COL28A1: variants seen among roughly 807,000 people sequenced by gnomAD.
COL28A1 encodes the protein collagen alpha-1(XXVIII) chain.
COL28A1 carries 161 observed loss-of-function variants against 150.2 expected under a neutral mutation model. The observed-to-expected ratio is 1.07, with a 90% CI of 0.94 to 1.22. The LOEUF is 1.22. Ranked by LOEUF, COL28A1 falls within the 50% of genes most tolerant of loss-of-function variation. The pLI is 0.00. For missense variants in COL28A1, 1,617 were observed against 1,388.3 expected (o/e 1.16, Z -2.62); for synonymous variants, 552 against 469.7 (o/e 1.18, Z -2.26).
intron 18 of COL28A1, among the ~76,000 whole-genome samples, chr7:7,452,075 T>C (rs1786736108): frequency 6.6e-6 from 1 of 152,164 alleles, no homozygotes; most frequent in East Asian, 1.9e-4. Context: ...TAAACCAAGA[T>C]AAACAAAGTG....
chr7:7,354,029 AT>A (rs199877243), downstream of COL28A1, among the ~76,000 whole-genome samples: 23,902 of 148,548 alleles, frequency 0.16, 2,100 homozygotes, highest in African/African-American at 0.23. Flanking sequence ...AGAAAAAAAA[AT>A]TTTTTTTTTT....
At chr7:7,370,668 T>C (rs1781180302) in intron 33 of COL28A1, 57 bp downstream of exon 33, 2 of 1,418,936 alleles carry the variant, frequency 1.4e-6, no homozygotes, top group African/African-American at 1.4e-5. Context: ...ATCTTTGATA[T>C]GAAACAGAGA....
intron 33 of COL28A1, among the ~76,000 whole-genome samples, chr7:7,367,760 T>G (rs780858259): frequency 1.3e-5 from 2 of 151,590 alleles, no homozygotes; most frequent in Non-Finnish European, 2.9e-5. Flanking sequence ...CTGCCTTGGA[T>G]GTCCCTCAGG....
chr7:7,538,924 G>A (rs1011355568), upstream of COL28A1, among the ~76,000 whole-genome samples: 5 of 149,272 alleles, frequency 3.3e-5, no homozygotes, highest in Non-Finnish European at 7.4e-5. Context: ...GAAGAAATTT[G>A]TTCTTGAAGA....
At chr7:7,382,709 A>C (rs1192053012) in intron 27 of COL28A1, among the ~76,000 whole-genome samples, 1 of 152,202 alleles carries the variant, frequency 6.6e-6, no homozygotes, top group Non-Finnish European at 1.5e-5. Flanking sequence ...TGTGGTTTTC[A>C]AAACTATCCT....
Position 7,511,177 on chromosome 7 carries a change from G to A in COL28A1, c.883-42C>T, listed in dbSNP as rs75740110. ...TGAAATAAATAAGAGAACACTTGCA[G>A]TCATTCACTATTAAGAATGTTTGTT... On this transcript the variant is annotated intron_variant, in intron 8 of 34. Transcript: ENST00000399429. 4.8e-4 allele frequency: 682 copies of A among 1,407,796 alleles called. 3 individuals are homozygous for A. In the African/African-American group the frequency reaches 8.9e-3, roughly 18 times the overall value. 87.2% of individuals were successfully genotyped at this position (1,407,796 alleles called of 1,614,324 possible).
chr7:7,463,073 G>A (rs759981880), intron 15 of COL28A1, among the ~76,000 whole-genome samples: 1 of 151,824 alleles, frequency 6.6e-6, no homozygotes, highest in African/African-American at 2.4e-5. Flanking sequence ...GTGTTCCTGA[G>A]GAAGAAGAGA....
chr7:7,542,681 C>T, the COL28A1 span, among the ~76,000 whole-genome samples: 8 of 152,256 alleles, frequency 5.3e-5, no homozygotes, highest in South Asian at 2.1e-4. Context: ...TTGAAAGCAA[C>T]GGGAGCCACT....
At chr7:7,459,097 T>C (rs373038477) in intron 15 of COL28A1, among the ~76,000 whole-genome samples, 3 of 152,336 alleles carry the variant, frequency 2.0e-5, no homozygotes, top group East Asian at 1.9e-4. Flanking sequence ...GAACAGCAGA[T>C]AAAAGCTTTG....
chr7:7,402,773 C>A (rs1583298154), intron 27 of COL28A1, among the ~76,000 whole-genome samples: 1 of 152,294 alleles, frequency 6.6e-6, no homozygotes, highest in South Asian at 2.1e-4. Flanking sequence ...AGAATCTAAT[C>A]TCCATGCGTA....
intron 16 of COL28A1, among the ~76,000 whole-genome samples, chr7:7,455,795 A>T (rs568343640): frequency 1.3e-5 from 2 of 152,372 alleles, no homozygotes; most frequent in African/African-American, 4.8e-5. Context: ...CTTGTTAATT[A>T]GGTTTTAATG....
intron 4 of COL28A1, among the ~76,000 whole-genome samples, chr7:7,523,239 C>A (rs1238908445): frequency 6.6e-6 from 1 of 151,542 alleles, no homozygotes; most frequent in Admixed American, 6.6e-5. Flanking sequence ...CTCACTGCAA[C>A]CTCTGCCTCC....
intron 33 of COL28A1, among the ~76,000 whole-genome samples, chr7:7,368,612 C>G (rs1298887934): frequency 6.6e-6 from 1 of 152,010 alleles, no homozygotes; most frequent in East Asian, 1.9e-4. Flanking sequence ...GAGGGTGGAG[C>G]CTTTATGAAT....
At chr7:7,453,889 G>C (rs1351354146) in intron 16 of COL28A1, among the ~76,000 whole-genome samples, 1 of 150,898 alleles carries the variant, frequency 6.6e-6, no homozygotes, top group Admixed American at 6.6e-5. Context: ...CTGGAATTAA[G>C]AGAGGGTGGC....
At chr7:7,401,460 T>C (rs1439097480) in intron 27 of COL28A1, among the ~76,000 whole-genome samples, 1 of 152,186 alleles carries the variant, frequency 6.6e-6, no homozygotes. Context: ...CATGCCCAAG[T>C]CTGAATTTCT....
At chr7:7,507,732 A>G (rs1780892144) in intron 9 of COL28A1, among the ~76,000 whole-genome samples, 1 of 152,142 alleles carries the variant, frequency 6.6e-6, no homozygotes, top group Non-Finnish European at 1.5e-5. Context: ...TTGCTTATCA[A>G]AGTACAACCT....
intron 3 of COL28A1, among the ~76,000 whole-genome samples, chr7:7,525,909 C>A (rs905158358): frequency 6.6e-6 from 1 of 152,160 alleles, no homozygotes; most frequent in African/African-American, 2.4e-5. Flanking sequence ...AAACCCTAGC[C>A]ACAGACACTA....
chr7:7,368,937 A>G (rs1781079529), intron 33 of COL28A1, among the ~76,000 whole-genome samples: 1 of 152,126 alleles, frequency 6.6e-6, no homozygotes, highest in Non-Finnish European at 1.5e-5. Flanking sequence ...GTACTTACCT[A>G]TCTCCCTGAA....
rs965796682 is a variant in COL28A1 at position 7,530,976 on chromosome 7, T to A, written c.681+372A>T. Among the ~76,000 whole-genome samples the A allele has an allele frequency of 3.3e-5, 5 of 152,248 alleles. No individual in the cohort carries two copies. In the East Asian group the frequency reaches 9.7e-4, roughly 29 times the overall value. ...GATGTGGAATGGGAAAAGACCAACT[T>A]GGTACAAATATAGCCTAACACCTCA... On this transcript the variant is annotated intron_variant, in intron 3 of 34. Transcript: ENST00000399429.
Sources: allele counts gnomAD v4.1 joint callset (sites outside exome capture counted in the v4.1 genomes callset), GRCh38; gene constraint gnomAD v4.1.1; transcripts MANE v1.5; gene names NCBI Gene and HGNC (gene_info 2026-07-23, HGNC 2026-07-21).